The following CNTNAP2 variants were observed in gnomAD, a reference collection of about 807,000 sequenced individuals.
CNTNAP2 encodes contactin associated protein 2.
CNTNAP2 carries 98 observed loss-of-function variants against 155.2 expected under a neutral mutation model. The ratio of observed to expected loss-of-function variants is 0.63; its 90% CI spans 0.54 to 0.75. CNTNAP2 has a LOEUF of 0.75. Among genes scored for constraint, CNTNAP2 ranks in the 30% least tolerant of loss-of-function variants. The pLI is 0.00. For missense variants in CNTNAP2, 1,727 were observed against 1,688.1 expected, an observed-to-expected ratio of 1.02 and a Z score of -0.40; for synonymous variants, 651 against 631.2, an observed-to-expected ratio of 1.03 and a Z score of -0.47.
chr7:147,351,020 A>T (rs1004785367), intron 9 of CNTNAP2, among the ~76,000 whole-genome samples: 1 of 151,828 alleles, frequency 6.6e-6, no homozygotes, highest in Admixed American at 6.6e-5. Flanking sequence ...AGTTTTATTA[A>T]TTAGAGCACT....
intron 18 of CNTNAP2, among the ~76,000 whole-genome samples, chr7:148,213,644 T>G (rs1452155803): frequency 6.6e-6 from 1 of 151,802 alleles, no homozygotes; most frequent in East Asian, 1.9e-4. Context: ...TGTTCTCAGG[T>G]AATGACCCCC....
intron 8 of CNTNAP2, among the ~76,000 whole-genome samples, chr7:147,137,097 A>C (rs2129286341): frequency 6.6e-6 from 1 of 151,872 alleles, no homozygotes; most frequent in African/African-American, 2.4e-5. Flanking sequence ...AAAATAAAGA[A>C]GCACCCAGAG....
intron 15 of CNTNAP2, among the ~76,000 whole-genome samples, chr7:148,035,111 G>T (rs1480737256): frequency 6.6e-6 from 1 of 152,172 alleles, no homozygotes; most frequent in Non-Finnish European, 1.5e-5. Flanking sequence ...AGAGAGAAGA[G>T]AAATGATTTA....
intron 20 of CNTNAP2, among the ~76,000 whole-genome samples, chr7:148,235,607 C>T (rs1037966968): frequency 1.3e-5 from 2 of 151,830 alleles, no homozygotes; most frequent in Non-Finnish European, 2.9e-5. Context: ...CTGGGAGGCT[C>T]TTCCTTGTGT....
chr7:148,390,122 C>T (rs1799313870), intron 22 of CNTNAP2, among the ~76,000 whole-genome samples: 1 of 152,108 alleles, frequency 6.6e-6, no homozygotes, highest in Non-Finnish European at 1.5e-5. Flanking sequence ...TTATGAAAAA[C>T]AATAAAGCCG....
chr7:146,781,227 CAA>C (rs375760321), intron 2 of CNTNAP2, among the ~76,000 whole-genome samples: 1 of 87,488 alleles, frequency 1.1e-5, no homozygotes. Flanking sequence ...GACTCCATCT[CAA>C]AAAAAAAAAA....
At chr7:147,623,752 T>A (rs192219750) in intron 12 of CNTNAP2, among the ~76,000 whole-genome samples, 4,077 of 144,770 alleles carry the variant, frequency 0.028, 151 homozygotes, top group African/African-American at 0.09. Context: ...AAAAAAAAAA[T>A]TTTAAATTTA....
chr7:146,538,102 C>T (rs570204522), intron 1 of CNTNAP2, among the ~76,000 whole-genome samples: 27 of 152,116 alleles, frequency 1.8e-4, no homozygotes, highest in Non-Finnish European at 2.9e-4. Context: ...TATGAGAGAC[C>T]ATGGTAGCCT....
intron 3 of CNTNAP2, among the ~76,000 whole-genome samples, chr7:146,856,891 A>C (rs539411818): frequency 6.6e-6 from 1 of 152,282 alleles, no homozygotes. Flanking sequence ...AAGGCTAAGG[A>C]GTTATTCTAG....
intron 3 of CNTNAP2, among the ~76,000 whole-genome samples, chr7:147,013,223 G>T (rs1314150850): frequency 6.6e-6 from 1 of 151,958 alleles, no homozygotes; most frequent in Non-Finnish European, 1.5e-5. Flanking sequence ...TGACAGAACG[G>T]GTCAACCATT....
intron 1 of CNTNAP2, among the ~76,000 whole-genome samples, chr7:146,396,202 A>T (rs1169368629): frequency 6.6e-6 from 1 of 152,172 alleles, no homozygotes; most frequent in African/African-American, 2.4e-5. Flanking sequence ...TTTGTTAAGA[A>T]TTTACAAAAT....
intron 3 of CNTNAP2, among the ~76,000 whole-genome samples, chr7:146,932,113 A>C (rs1796773742): frequency 6.6e-6 from 1 of 152,068 alleles, no homozygotes; most frequent in African/African-American, 2.4e-5. Flanking sequence ...CTGATACCAA[A>C]GCCTGGCAGA....
chr7:147,455,728 C>G (rs905493773), intron 10 of CNTNAP2, among the ~76,000 whole-genome samples: 13 of 152,050 alleles, frequency 8.5e-5, no homozygotes. Context: ...ACAACAATAA[C>G]AACAACTCAG....
chr7:147,614,720 A>T (rs915836614), intron 12 of CNTNAP2, among the ~76,000 whole-genome samples: 1 of 151,916 alleles, frequency 6.6e-6, no homozygotes, highest in African/African-American at 2.4e-5. Context: ...AAAAAAAAAG[A>T]TTCTAATATT....
At chr7:146,493,506 C>T (rs180920910) in intron 1 of CNTNAP2, among the ~76,000 whole-genome samples, 34 of 152,036 alleles carry the variant, frequency 2.2e-4, no homozygotes, top group African/African-American at 8.2e-4. Context: ...CTAAAAAGAA[C>T]CTATGAGGAG....
chr7:148,037,339 T>A (rs1802589427), intron 15 of CNTNAP2, among the ~76,000 whole-genome samples: 1 of 152,232 alleles, frequency 6.6e-6, no homozygotes, highest in Non-Finnish European at 1.5e-5. Flanking sequence ...TGACTTAATA[T>A]AATGGAAGGA....
At chr7:148,040,752 C>G (rs779973775) in intron 15 of CNTNAP2, among the ~76,000 whole-genome samples, 2 of 152,172 alleles carry the variant, frequency 1.3e-5, no homozygotes, top group African/African-American at 4.8e-5. Context: ...AGAAACTATT[C>G]CTGACCCCAA....
At chr7:147,174,054 A>G (rs182432079) in intron 8 of CNTNAP2, among the ~76,000 whole-genome samples, 1 of 152,294 alleles carries the variant, frequency 6.6e-6, no homozygotes, top group East Asian at 1.9e-4. Context: ...CCTCTGAATC[A>G]TGTATGTCCT....
intron 21 of CNTNAP2, among the ~76,000 whole-genome samples, chr7:148,355,396 A>G (rs1362258716): frequency 6.6e-6 from 1 of 151,948 alleles, no homozygotes; most frequent in African/African-American, 2.4e-5. Flanking sequence ...AGATTTAATT[A>G]TAAAATTATT....
Sources: gnomAD v4.1 joint callset for allele counts (sites outside exome capture counted in the v4.1 genomes callset) on GRCh38, gnomAD v4.1.1 for gene constraint, MANE v1.5 for transcripts, NCBI Gene and HGNC (gene_info 2026-07-23, HGNC 2026-07-21) for gene names.